Variants in STAT1 observed in about 807,000 individuals in gnomAD.
STAT1 encodes signal transducer and activator of transcription 1, also known as signal transducer and activator of transcription 1-alpha/beta.
A neutral mutation model predicts 111.7 loss-of-function variants in STAT1; 24 were observed. That is an observed-to-expected ratio of 0.21 (90% CI 0.16 to 0.30). The LOEUF is 0.30. Ranked by LOEUF, STAT1 falls within the 10% of genes least tolerant of loss-of-function variation. The pLI is 1.00. For synonymous variants in STAT1, 332 were observed against 326.5 expected (o/e 1.02, Z -0.18); for missense variants, 351 against 911.9 (o/e 0.38, Z 7.92).
At chr2:191,010,364 T>C (rs1229924948) in intron 2 of STAT1, 2 of 472,460 alleles carry the variant, frequency 4.2e-6, no homozygotes, top group East Asian at 6.9e-5. Flanking sequence ...CCATCTGACC[T>C]ACCACATATT....
intron 5 of STAT1, 137 bp from the exon 6 acceptor site, chr2:191,001,300 A>G (rs1694251696): frequency 1.4e-6 from 1 of 725,592 alleles, no homozygotes; most frequent in Non-Finnish European, 2.5e-6. Flanking sequence ...ATGTGTCAAT[A>G]TGAAATTTTT....
Position 191,004,370 on chromosome 2 carries a change from G to A in STAT1, c.372+3193C>T, listed in dbSNP as rs1694518755. 6.6e-6 allele frequency among the ~76,000 whole-genome samples: 1 copy of A among 152,158 alleles called. No individual in the cohort carries two copies. The highest frequency in any genetic ancestry group is 2.4e-5 in the African/African-American group (1 of 41,408). ...ACCTCTAGAGACCTTGTTTGGATGG[G>A]AACTTGGTTACTCCAGACCCCAGAG... On this transcript the variant is annotated intron_variant, in intron 5 of 24. Transcript: ENST00000361099. The surrounding 1 kb of genome is among the most constrained non-coding windows in gnomAD (Gnocchi z 5.0).
At chr2:190,988,938 G>A (rs1040457457) in intron 12 of STAT1, among the ~76,000 whole-genome samples, 1 of 152,080 alleles carries the variant, frequency 6.6e-6, no homozygotes, top group Non-Finnish European at 1.5e-5. Context: ...GTTCCTTAAT[G>A]AGAGTGGCCA....
chr2:190,998,160 C>A lies in STAT1; in HGVS notation c.633+57G>T. The A allele has an allele frequency of 6.4e-7, 1 of 1,570,956 alleles. No individual in the cohort carries two copies. The highest frequency in any genetic ancestry group is 1.1e-5 in the South Asian group (1 of 90,024). On this transcript the variant is annotated intron_variant, in intron 8 of 24. Transcript: ENST00000361099. This position sits in a 1 kb window ranked among gnomAD's most constrained non-coding sequence, Gnocchi z 4.1. ...TTTTCCTCTCTTCTAAACTTTGAGT[C>A]CATTATTTACAGTGTATAACAAAAG...
In STAT1 at chr2:191,003,105, T is replaced by C. The variant is rs192222388; in HGVS notation, c.373-1942A>G. Reference sequence around the variant, plus strand: ...GGTCCATAATTTTTTGTTTTATCTTTATCAGGCATACGTCATCAAAGTTAT... The same window carrying C: ...GGTCCATAATTTTTTGTTTTATCTTCATCAGGCATACGTCATCAAAGTTAT... On this transcript the variant is annotated intron_variant, in intron 5 of 24. Coordinates refer to ENST00000361099, the MANE Select transcript of STAT1 (RefSeq NM_007315.4). This position sits in a 1 kb window ranked among gnomAD's most constrained non-coding sequence, Gnocchi z 4.0. 1.9e-3 allele frequency among the ~76,000 whole-genome samples: 284 copies of C among 152,368 alleles called. 2 individuals carry two copies. The highest frequency in any genetic ancestry group is 0.016 in the Admixed American group (249 of 15,308).
Position 190,974,988 on chromosome 2 carries a change from G to A in STAT1, c.2136-56C>T. 1 of 1,257,274 alleles carries A rather than the reference G, an allele frequency of 8.0e-7. No individual in the cohort carries two copies. The highest frequency in any genetic ancestry group is 1.8e-5 in the Admixed American group (1 of 56,704). 77.9% of individuals were successfully genotyped at this position (1,257,274 alleles called of 1,614,324 possible). On this transcript the variant is annotated intron_variant, in intron 23 of 24. Coordinates refer to ENST00000361099, the MANE Select transcript of STAT1 (RefSeq NM_007315.4). The surrounding 1 kb of genome is among the most constrained non-coding windows in gnomAD (Gnocchi z 4.8). ...CAACATCTGAGTGATGAAAGCACTA[G>A]TGCATACTTACACACTTTATCTTTT...
intron 10 of STAT1, among the ~76,000 whole-genome samples, chr2:190,994,507 G>A (rs575497089): frequency 3.3e-5 from 5 of 152,256 alleles, no homozygotes; most frequent in Admixed American, 1.3e-4. Flanking sequence ...TTAGGGTCAC[G>A]GCGGAGACTC....
rs1463230258 is a variant in STAT1 at position 191,003,211 on chromosome 2, T to C, written c.373-2048A>G. On this transcript the variant is annotated intron_variant, in intron 5 of 24. Coordinates refer to ENST00000361099, the MANE Select transcript of STAT1 (RefSeq NM_007315.4). This position sits in a 1 kb window ranked among gnomAD's most constrained non-coding sequence, Gnocchi z 4.0. ...CAAAGCATGTGAATTGTATCAGCTG[T>C]AAAGTGTGTATTAGAAATACATGAA... Among the ~76,000 whole-genome samples, 1 of 152,240 alleles carries C rather than the reference T, an allele frequency of 6.6e-6. No homozygotes were observed. Among genetic ancestry groups the C allele is most frequent in the Non-Finnish European group, 1.5e-5 (1 of 68,044 alleles).
intron 10 of STAT1, among the ~76,000 whole-genome samples, chr2:190,992,262 G>A (rs1025763945): frequency 6.6e-6 from 1 of 152,190 alleles, no homozygotes; most frequent in African/African-American, 2.4e-5. Flanking sequence ...GACAGACACT[G>A]CTTGTGCTGT....
chr2:191,008,051 G>C, intron 4 of STAT1: 1 of 453,546 alleles, frequency 2.2e-6, no homozygotes, highest in South Asian at 1.6e-5. Flanking sequence ...TCTAAGCTTT[G>C]AACTAGACCA....
rs1691802871 is a variant in STAT1 at position 190,975,076 on chromosome 2, C to T, written c.2136-144G>A. 3.4e-5 allele frequency: 26 copies of T among 764,132 alleles called. No individual in the cohort carries two copies. The South Asian group carries it at 3.7e-4, about 11-fold the overall frequency. 47.3% of individuals were successfully genotyped at this position (764,132 alleles called of 1,614,324 possible). On this transcript the variant is annotated intron_variant, in intron 23 of 24. Coordinates refer to ENST00000361099, the MANE Select transcript of STAT1 (RefSeq NM_007315.4). The surrounding 1 kb of genome is among the most constrained non-coding windows in gnomAD (Gnocchi z 5.9). ...GGTAAGTGCATACACTTGTAAAATA[C>T]ATTTGCAAAAGTACAGCTCATGGGA...
intron 2 of STAT1, among the ~76,000 whole-genome samples, chr2:191,011,416 T>C (rs1695105671): frequency 6.6e-6 from 1 of 151,504 alleles, no homozygotes; most frequent in African/African-American, 2.4e-5. Flanking sequence ...ATCAACAAGG[T>C]GTGTGTGTGT....
At position 190,981,476 on chromosome 2, in the gene STAT1, C is replaced by A. The variant is rs568526905; in HGVS notation, c.1583-807G>T. Among the ~76,000 whole-genome samples the A allele has an allele frequency of 3.3e-5, 5 of 152,334 alleles. No individual in the cohort carries two copies. Among genetic ancestry groups the A allele is most frequent in the African/African-American group, 1.2e-4 (5 of 41,574 alleles). ...CGAGAAGAGGCGGTAAGCCCATTAT[C>A]GGTCTTCAAAGAGAACTACAAATGA... On this transcript the variant is annotated intron_variant, in intron 18 of 24. Coordinates refer to ENST00000361099, the MANE Select transcript of STAT1 (RefSeq NM_007315.4). This position sits in a 1 kb window ranked among gnomAD's most constrained non-coding sequence, Gnocchi z 4.1.
In STAT1 at chr2:190,975,464, G is replaced by C; in HGVS notation, c.2135+348C>G. ...TATAAAATGAAACAACAAAATCAAAGCAAGTGGAGACAGTGTATCTCAATC... is the reference window on the plus strand; with the variant it reads ...TATAAAATGAAACAACAAAATCAAACCAAGTGGAGACAGTGTATCTCAATC... On this transcript the variant is annotated intron_variant, in intron 23 of 24. Coordinates refer to ENST00000361099, the MANE Select transcript of STAT1 (RefSeq NM_007315.4). This position sits in a 1 kb window ranked among gnomAD's most constrained non-coding sequence, Gnocchi z 5.9. 2.1e-6 allele frequency: 2 copies of C among 953,026 alleles called. No individual in the cohort carries two copies. The allele number at this position is 953,026 out of a possible 1,614,324, so 59.0% of individuals were successfully genotyped here. A position where few individuals can be genotyped will look rare whatever the true frequency, so the allele number is the denominator to read the frequency against.
Position 190,979,596 on chromosome 2 carries a change from G to GT in STAT1, c.1727+175dup, listed in dbSNP as rs1397665214. On this transcript the variant is annotated intron_variant, in intron 20 of 24. Coordinates refer to ENST00000361099, the MANE Select transcript of STAT1 (RefSeq NM_007315.4). The surrounding 1 kb of genome is among the most constrained non-coding windows in gnomAD (Gnocchi z 5.8). ...ATACATATACTTGTACTAAGAAAGT[G>GT]TAAGGTTAATGTTATGAGGTTCTAC... Among the ~76,000 whole-genome samples, 1 of 151,546 alleles carries GT rather than the reference G, an allele frequency of 6.6e-6. No individual in the cohort carries two copies. The highest frequency in any genetic ancestry group is 2.4e-5 in the African/African-American group (1 of 41,264).
At position 190,973,329 on chromosome 2, in the gene STAT1, A is replaced by C. The variant is rs1369741147; in HGVS notation, c.2238+1501T>G. Among the ~76,000 whole-genome samples the C allele has an allele frequency of 6.6e-6, 1 of 152,184 alleles. No individual in the cohort carries two copies. The highest frequency in any genetic ancestry group is 2.4e-5 in the African/African-American group (1 of 41,430). On this transcript the variant is annotated intron_variant, in intron 24 of 24. Transcript: ENST00000361099. The surrounding 1 kb of genome is among the most constrained non-coding windows in gnomAD (Gnocchi z 4.4). Reference sequence around the variant, plus strand: ...TACCATTTACTAACTGCTTGATCTTAGTCAAGTTACATAAAAGGGGCTGTG... The same window carrying C: ...TACCATTTACTAACTGCTTGATCTTCGTCAAGTTACATAAAAGGGGCTGTG...
At chr2:190,985,782 T>C in intron 14 of STAT1, 122 bp from the exon 15 acceptor site, 1 of 1,078,532 alleles carries the variant, frequency 9.3e-7, no homozygotes, top group South Asian at 1.3e-5. Flanking sequence ...ATCTTTAGAA[T>C]GCAGAACATG....
At position 191,009,899 on chromosome 2, in the gene STAT1, T is replaced by C. The variant is rs1694995288; in HGVS notation, c.105A>G (p.Ala35=). The part of the protein sequence containing the change: ...SFPMEIRQYL[A]QWLEKQDWEH... ...ACCAGTCTTGCTTTTCTAACCACTG[T>C]GCCAGGTACTGTCTGATTTCCATGG... Residue 35 remains alanine, a synonymous_variant, in exon 3 of 25, where the codon GCA becomes GCG. Coordinates refer to ENST00000361099, the MANE Select transcript of STAT1 (RefSeq NM_007315.4). 4 of 1,614,034 alleles carry C rather than the reference T, an allele frequency of 2.5e-6. No individual in the cohort carries two copies. The South Asian group carries it at 3.3e-5, about 13-fold the overall frequency.
chr2:191,012,416 T>TAAA lies in STAT1; in HGVS notation c.-2+1106_-2+1108dup, dbSNP rs112292924. On this transcript the variant is annotated intron_variant, in intron 2 of 24. Coordinates refer to ENST00000361099, the MANE Select transcript of STAT1 (RefSeq NM_007315.4). The surrounding 1 kb of genome is among the most constrained non-coding windows in gnomAD (Gnocchi z 4.0). ...GGGAGACAGAGAGAGACTCTGTCTC[T>TAAA]AAAAAAAAAAAACAATGAATAAATA... Among the ~76,000 whole-genome samples, 1 of 144,022 alleles carries TAAA rather than the reference T, an allele frequency of 6.9e-6. No individual in the cohort carries two copies. The allele number at this position is 144,022 out of a possible 152,430, so 94.5% of individuals were successfully genotyped here.
Sources: allele counts gnomAD v4.1 joint callset (sites outside exome capture counted in the v4.1 genomes callset), GRCh38; gene constraint gnomAD v4.1.1; non-coding constraint Gnocchi (gnomAD v3.1); transcripts MANE v1.5; gene names NCBI Gene and HGNC (gene_info 2026-07-23, HGNC 2026-07-21).